The following MGAT4C variants were observed in gnomAD, a reference collection of about 807,000 sequenced individuals.
MGAT4C encodes alpha-1,3-mannosyl-glycoprotein 4-beta-N-acetylglucosaminyltransferase C.
Under a neutral mutation model 40.1 loss-of-function variants are expected in MGAT4C, and 19 were observed. The ratio of observed to expected loss-of-function variants is 0.47; its 90% CI spans 0.33 to 0.70. MGAT4C has a LOEUF of 0.70. Ranked by LOEUF, MGAT4C falls within the 30% of genes least tolerant of loss-of-function variation. The probability of loss-of-function intolerance (pLI) is 0.02; values close to 1 mark genes in which losing one functional copy is unlikely to be tolerated. For missense variants in MGAT4C, 491 were observed against 563.2 expected (o/e 0.87, Z 1.30); for synonymous variants, 181 against 187.1 (o/e 0.97, Z 0.27).
At chr12:86,346,477 G>A (rs1382759294) in intron 3 of MGAT4C, among the ~76,000 whole-genome samples, 2 of 152,046 alleles carry the variant, frequency 1.3e-5, no homozygotes, top group African/African-American at 4.8e-5. Flanking sequence ...TGCCCACCTC[G>A]GCCTCCCAAA....
chr12:86,184,864 C>T (rs1370536433), intron 1 of MGAT4C, among the ~76,000 whole-genome samples: 21 of 151,722 alleles, frequency 1.4e-4, no homozygotes, highest in Admixed American at 1.4e-3. Context: ...TATAATCAAG[C>T]TGAACTTTAA....
intron 3 of MGAT4C, among the ~76,000 whole-genome samples, chr12:86,379,302 G>C (rs2141926): frequency 0.87 from 132,192 of 152,040 alleles, 57,573 homozygotes; most frequent in East Asian, 1. Flanking sequence ...CCATGTGGAC[G>C]AAAATGCTTC....
chr12:86,796,015 A>C (rs1952109953), intron 1 of MGAT4C, among the ~76,000 whole-genome samples: 1 of 152,048 alleles, frequency 6.6e-6, no homozygotes, highest in Non-Finnish European at 1.5e-5. Context: ...GAACTTCAAA[A>C]AATTTACACG....
chr12:86,828,844 T>C (rs1952860483), intron 1 of MGAT4C, among the ~76,000 whole-genome samples: 1 of 151,528 alleles, frequency 6.6e-6, no homozygotes, highest in African/African-American at 2.4e-5. Flanking sequence ...AGTGGTTGCC[T>C]TGGGTGACAA....
intron 1 of MGAT4C, among the ~76,000 whole-genome samples, chr12:86,826,971 T>C (rs1952820636): frequency 6.6e-6 from 1 of 151,480 alleles, no homozygotes; most frequent in East Asian, 1.9e-4. Flanking sequence ...ACTAATCCCT[T>C]ATACTTCTAA....
At chr12:86,081,600 G>A (rs774705556) in intron 1 of MGAT4C, among the ~76,000 whole-genome samples, 4 of 152,082 alleles carry the variant, frequency 2.6e-5, no homozygotes, top group African/African-American at 9.7e-5. Context: ...ACATAGAATG[G>A]AGAATATTTA....
At chr12:86,483,730 A>C (rs1234164749) in intron 2 of MGAT4C, among the ~76,000 whole-genome samples, 1 of 149,996 alleles carries the variant, frequency 6.7e-6, no homozygotes, top group Admixed American at 6.7e-5. Context: ...ACTTCAGTAG[A>C]GCCTGTAAGT....
chr12:86,233,869 GCT>G (rs755010325), intron 1 of MGAT4C, among the ~76,000 whole-genome samples: 13 of 151,942 alleles, frequency 8.6e-5, no homozygotes, highest in Non-Finnish European at 1.6e-4. Flanking sequence ...AGACAGCTCA[GCT>G]CTGTTTGTTT....
In MGAT4C at chr12:86,012,902, T is replaced by C. The variant is rs567007503; in HGVS notation, c.-6-23350A>G. Among the ~76,000 whole-genome samples, 316 of 151,204 alleles carry C rather than the reference T, an allele frequency of 2.1e-3. 2 individuals carry two copies. The highest frequency in any genetic ancestry group is 0.01 in the Middle Eastern group (3 of 294). On this transcript the variant is annotated intron_variant, in intron 2 of 4. Transcript: ENST00000611864. ...ACTTTGGGAGGCTGAGTTGGGAGGA[T>C]TGCTTCAGGACAGGTGTTTGCGACC...
chr12:86,744,926 T>G (rs1014553681), intron 1 of MGAT4C: 1 of 151,624 alleles, frequency 6.6e-6, no homozygotes, highest in African/African-American at 2.4e-5. Context: ...GTATTGGTTC[T>G]GGGGAAGAGG....
intron 1 of MGAT4C, among the ~76,000 whole-genome samples, chr12:86,134,527 T>C (rs974147920): frequency 2.6e-5 from 4 of 152,172 alleles, no homozygotes; most frequent in African/African-American, 9.6e-5. Flanking sequence ...CATGGGTTTC[T>C]TGTGCCTGAT....
rs569917631 is a variant in MGAT4C, at chr12:86,142,730, T to G, written c.-56-93007A>C. Among the ~76,000 whole-genome samples the G allele has an allele frequency of 2.5e-3, 387 of 151,978 alleles. 2 individuals carry two copies. The highest frequency in any genetic ancestry group is 9.1e-3 in the African/African-American group (376 of 41,446). ...CATTCTTTTTTTTTTTTGTTTTTTT[T>G]GTGGAGGGTTGGGGGTTGTCGAGGC... On this transcript the variant is annotated intron_variant, in intron 1 of 4. Transcript: ENST00000611864.
At chr12:86,402,689 T>C (rs1053438079) in intron 3 of MGAT4C, among the ~76,000 whole-genome samples, 1 of 152,158 alleles carries the variant, frequency 6.6e-6, no homozygotes, top group Non-Finnish European at 1.5e-5. Context: ...ACTTTTCAAC[T>C]TATCCTAGAC....
chr12:86,449,882 TTGAC>T (rs1957395941), intron 2 of MGAT4C, among the ~76,000 whole-genome samples: 2 of 152,146 alleles, frequency 1.3e-5, no homozygotes, highest in Non-Finnish European at 2.9e-5. Flanking sequence ...TTATTTTGCT[TTGAC>T]TGTTTAATGG....
chr12:86,520,410 T>C (rs1958772040), intron 2 of MGAT4C, among the ~76,000 whole-genome samples: 1 of 152,194 alleles, frequency 6.6e-6, no homozygotes, highest in African/African-American at 2.4e-5. Context: ...CTCATTCTTT[T>C]TTATGGCTGC....
At chr12:86,238,758 A>T (rs1331146748) in intron 1 of MGAT4C, among the ~76,000 whole-genome samples, 1 of 152,074 alleles carries the variant, frequency 6.6e-6, no homozygotes, top group Non-Finnish European at 1.5e-5. Context: ...TGAAAAGGCC[A>T]TTGAATAAGC....
Position 86,422,038 on chromosome 12 carries a change from T to A in MGAT4C, c.-120+13119A>T, listed in dbSNP as rs1023750047. ...TAGTGGTTTGTTACAAAATATGTTT[T>A]CCTTGAATTGAGGCTTAGAAATGGA... is the stretch of plus-strand genomic sequence containing the variant. On this transcript the variant is annotated intron_variant, in intron 3 of 7. Transcript: ENST00000548651. Among the ~76,000 whole-genome samples the A allele has an allele frequency of 2.0e-5, 3 of 152,304 alleles. No individual in the cohort carries two copies. In the South Asian group the frequency reaches 6.2e-4, roughly 32 times the overall value.
intron 2 of MGAT4C, among the ~76,000 whole-genome samples, chr12:86,033,735 G>GC (rs1890971674): frequency 6.7e-6 from 1 of 149,078 alleles, no homozygotes; most frequent in African/African-American, 2.4e-5. Flanking sequence ...CAATTACTAT[G>GC]CCTTTATTTC....
At chr12:86,447,321 C>T (rs1957356800) in intron 2 of MGAT4C, among the ~76,000 whole-genome samples, 1 of 152,132 alleles carries the variant, frequency 6.6e-6, no homozygotes, top group South Asian at 2.1e-4. Context: ...GACAGGGTTT[C>T]TCCATGCTGG....
Sources: allele counts gnomAD v4.1 joint callset (sites outside exome capture counted in the v4.1 genomes callset), GRCh38; gene constraint gnomAD v4.1.1; transcripts MANE v1.5; gene names NCBI Gene and HGNC (gene_info 2026-07-23, HGNC 2026-07-21).